Variants in CCSER2 observed in about 807,000 individuals in gnomAD.
CCSER2 encodes the protein coiled-coil serine rich protein 2, also known as serine-rich coiled-coil domain-containing protein 2.
In CCSER2, 46 loss-of-function variants were observed where a neutral mutation model predicts 92.3. The ratio of observed to expected loss-of-function variants is 0.50; its 90% CI spans 0.39 to 0.64. The LOEUF is 0.64. CCSER2 is among the 30% of genes least tolerant of loss of function. The pLI is 0.00. For synonymous variants in CCSER2, 433 were observed against 431.4 expected (o/e 1.00, Z -0.04); for missense variants, 1,244 against 1,238.9 (o/e 1.00, Z -0.06).
chr10:84,373,925 G>A (rs749795494), intron 3 of CCSER2, 110 bp downstream of exon 3: 240 of 1,520,718 alleles, frequency 1.6e-4, no homozygotes, highest in Non-Finnish European at 2.0e-4. Flanking sequence ...ACTACTTTGA[G>A]AAATGGAAAT....
intron 9 of CCSER2, among the ~76,000 whole-genome samples, chr10:84,486,423 A>G (rs1847812726): frequency 6.6e-6 from 1 of 152,142 alleles, no homozygotes; most frequent in African/African-American, 2.4e-5. Context: ...CTGACTTTTT[A>G]ATGATTGCCA....
chr10:84,454,238 A>G lies in CCSER2; in HGVS notation c.2065-9695A>G, dbSNP rs533386011. Among the ~76,000 whole-genome samples, 16 of 152,264 alleles carry G rather than the reference A, an allele frequency of 1.1e-4. No homozygotes were observed. The South Asian group carries it at 3.3e-3, about 32-fold the overall frequency. ...CTCCAGTCTCTACTTCCATCTTCAC[A>G]TGACCTTCTCCCTTGTGTGTCTGTG... On this transcript the variant is annotated intron_variant, in intron 6 of 9. Transcript: ENST00000372088.
intron 4 of CCSER2, among the ~76,000 whole-genome samples, chr10:84,420,148 C>A (rs182610637): frequency 6.6e-6 from 1 of 152,306 alleles, no homozygotes; most frequent in East Asian, 1.9e-4. Context: ...AAGAAAGGAT[C>A]TTAGAGCCTG....
chr10:84,424,957 A>G lies in CCSER2; in HGVS notation c.1706-774A>G, dbSNP rs561931308. 8.3e-4 allele frequency: 814 copies of G among 983,710 alleles called. 1 individual carries two copies. The highest frequency in any genetic ancestry group is 1.2e-3 in the South Asian group (25 of 21,252). 60.9% of individuals were successfully genotyped at this position (983,710 alleles called of 1,614,324 possible). A position where few individuals can be genotyped will look rare whatever the true frequency, so the allele number is the denominator to read the frequency against. ...GTTCAGCAGTGCCTTGGGTACAACT[A>G]TGTCTGAGTAGGCAGCCGGTAACAC... is the stretch of plus-strand genomic sequence containing the variant. On this transcript the variant is annotated intron_variant, in intron 4 of 9. Transcript: ENST00000372088.
At chr10:84,504,843 A>G (rs1848959764) in intron 9 of CCSER2, among the ~76,000 whole-genome samples, 1 of 152,196 alleles carries the variant, frequency 6.6e-6, no homozygotes, top group Non-Finnish European at 1.5e-5. Flanking sequence ...CAAATAAATC[A>G]TAAATAAATC....
intron 5 of CCSER2, among the ~76,000 whole-genome samples, chr10:84,433,035 A>G (rs928473020): frequency 6.6e-6 from 1 of 152,098 alleles, no homozygotes; most frequent in Non-Finnish European, 1.5e-5. Flanking sequence ...ATGTGGGTCT[A>G]TTTCTGAGCT....
intron 7 of CCSER2, among the ~76,000 whole-genome samples, chr10:84,466,128 C>G (rs1310425888): frequency 3.9e-5 from 6 of 152,202 alleles, no homozygotes; most frequent in Admixed American, 6.5e-5. Flanking sequence ...CTTATTTAAG[C>G]TGAGTTGCAA....
At chr10:84,500,806 A>G (rs1324438225) in intron 9 of CCSER2, among the ~76,000 whole-genome samples, 2 of 152,178 alleles carry the variant, frequency 1.3e-5, no homozygotes, top group African/African-American at 2.4e-5. Flanking sequence ...GATTCATTCA[A>G]TTTTTTCATT....
At chr10:84,412,464 C>G (rs569986911) in intron 3 of CCSER2, among the ~76,000 whole-genome samples, 11 of 151,642 alleles carry the variant, frequency 7.3e-5, no homozygotes, top group Admixed American at 6.6e-4. Context: ...ATTACTGGCT[C>G]AATTTTAGAG....
chr10:84,469,524 T>G (rs1433877780), intron 7 of CCSER2, among the ~76,000 whole-genome samples: 2 of 152,168 alleles, frequency 1.3e-5, no homozygotes, highest in Non-Finnish European at 2.9e-5. Flanking sequence ...GATGACATTC[T>G]TTGCTTAGTT....
chr10:84,437,242 G>T (rs1224360486), intron 5 of CCSER2, among the ~76,000 whole-genome samples: 1 of 152,002 alleles, frequency 6.6e-6, no homozygotes, highest in Admixed American at 6.6e-5. Context: ...TTCTCGGCCG[G>T]GCATGGTGGC....
chr10:84,451,709 T>A (rs1470796466), intron 6 of CCSER2, among the ~76,000 whole-genome samples: 2 of 152,068 alleles, frequency 1.3e-5, no homozygotes, highest in Admixed American at 1.3e-4. Flanking sequence ...ACAGAAAAAA[T>A]TTGTAAATAC....
chr10:84,445,930 T>C (rs1430993423), intron 6 of CCSER2, among the ~76,000 whole-genome samples: 1 of 152,204 alleles, frequency 6.6e-6, no homozygotes, highest in Non-Finnish European at 1.5e-5. Flanking sequence ...TGTCTTTTGG[T>C]GAACATATGT....
rs531974353 is a variant in CCSER2 at position 84,347,535 on chromosome 10, G to A, written c.-40+18727G>A. Among the ~76,000 whole-genome samples the A allele has an allele frequency of 2.9e-3, 442 of 151,700 alleles. 2 individuals are homozygous for A. The highest frequency in any genetic ancestry group is 9.9e-3 in the African/African-American group (408 of 41,396). ...CCCCCACCTCCCTCCCGGACGGGGC[G>A]GCTGGCCGGGCGGGGGCTGCCTCCC... On this transcript the variant is annotated intron_variant, in intron 1 of 9. Transcript: ENST00000372088.
chr10:84,447,243 A>G (rs900934706), intron 6 of CCSER2, among the ~76,000 whole-genome samples: 5 of 152,198 alleles, frequency 3.3e-5, no homozygotes, highest in African/African-American at 4.8e-5. Context: ...ATTGTTTCAC[A>G]TGTGTGCAAA....
In CCSER2 at chr10:84,376,324, A is replaced by G. The variant is rs193173669; in HGVS notation, c.1614+2509A>G. Reference sequence around the variant, plus strand: ...GATAAATTTGTATGCTTGTTTGACAATCATCCATATTAAGATATAGAATAC... The same window carrying G: ...GATAAATTTGTATGCTTGTTTGACAGTCATCCATATTAAGATATAGAATAC... On this transcript the variant is annotated intron_variant, in intron 3 of 9. Coordinates refer to ENST00000372088, the MANE Select transcript of CCSER2 (RefSeq NM_001284240.2). 3.3e-4 allele frequency among the ~76,000 whole-genome samples: 50 copies of G among 152,242 alleles called. 1 individual carries two copies. The East Asian group carries it at 4.6e-3, about 14-fold the overall frequency.
intron 3 of CCSER2, among the ~76,000 whole-genome samples, chr10:84,392,773 G>A (rs1841597995): frequency 6.6e-6 from 1 of 152,016 alleles, no homozygotes; most frequent in South Asian, 2.1e-4. Flanking sequence ...GTGCAGGCTG[G>A]GTGGAATAAA....
chr10:84,490,379 A>G (rs962153298), intron 9 of CCSER2, among the ~76,000 whole-genome samples: 2 of 152,132 alleles, frequency 1.3e-5, no homozygotes, highest in Non-Finnish European at 1.5e-5. Context: ...AGGTACACCA[A>G]TCAGATGTAG....
intron 1 of CCSER2, among the ~76,000 whole-genome samples, chr10:84,354,493 T>C (rs1845048268): frequency 6.6e-6 from 1 of 152,114 alleles, no homozygotes; most frequent in Non-Finnish European, 1.5e-5. Context: ...TGCAAATTAC[T>C]TTTTTATTTC....
Sources: allele counts gnomAD v4.1 joint callset (sites outside exome capture counted in the v4.1 genomes callset), GRCh38; gene constraint gnomAD v4.1.1; transcripts MANE v1.5; gene names NCBI Gene and HGNC (gene_info 2026-07-23, HGNC 2026-07-21).